Variants in CLYBL observed in about 807,000 individuals in gnomAD.
The protein encoded by CLYBL is citramalyl-CoA lyase.
CLYBL carries 31 observed loss-of-function variants against 38.9 expected under a neutral mutation model. The observed-to-expected ratio is 0.80, with a 90% CI of 0.60 to 1.08. CLYBL has a LOEUF of 1.08. CLYBL is among the 50% of genes least tolerant of loss of function. The pLI is 0.00. For synonymous variants in CLYBL, 171 were observed against 158.6 expected (o/e 1.08, Z -0.59); for missense variants, 434 against 411.6 (o/e 1.05, Z -0.47).
At chr13:99,848,590 T>C (rs186731748) in intron 2 of CLYBL, among the ~76,000 whole-genome samples, 3 of 152,316 alleles carry the variant, frequency 2.0e-5, no homozygotes, top group Admixed American at 2.0e-4. Flanking sequence ...AGATGAGTGA[T>C]TGTGTTTTTC....
At chr13:99,888,402 G>A (rs578087965) in intron 7 of CLYBL, among the ~76,000 whole-genome samples, 2 of 152,280 alleles carry the variant, frequency 1.3e-5, no homozygotes, top group African/African-American at 2.4e-5. Flanking sequence ...CCCAGACTAG[G>A]AACTGCTCAA....
At chr13:99,890,538 T>C (rs1357739499) in intron 7 of CLYBL, among the ~76,000 whole-genome samples, 5 of 152,180 alleles carry the variant, frequency 3.3e-5, no homozygotes, top group African/African-American at 1.2e-4. Flanking sequence ...TGACCTTGGC[T>C]CACTGCAACC....
intron 1 of CLYBL, among the ~76,000 whole-genome samples, chr13:99,616,597 C>T (rs1408853484): frequency 6.6e-6 from 1 of 152,190 alleles, no homozygotes; most frequent in Non-Finnish European, 1.5e-5. Context: ...TTCTGAACTA[C>T]ACCACATGTT....
At chr13:99,846,353 A>G (rs527251823) in intron 2 of CLYBL, among the ~76,000 whole-genome samples, 34 of 137,958 alleles carry the variant, frequency 2.5e-4, no homozygotes, top group Non-Finnish European at 4.5e-4. Context: ...GTGCAGTGTC[A>G]TGATCTCAGC....
intron 1 of CLYBL, among the ~76,000 whole-genome samples, chr13:99,735,206 T>G (rs973801185): frequency 6.6e-6 from 1 of 152,200 alleles, no homozygotes; most frequent in Admixed American, 6.5e-5. Flanking sequence ...TGCTTGTTTG[T>G]TTTTAGAGGC....
At chr13:99,752,842 A>G (rs971821863) in intron 1 of CLYBL, among the ~76,000 whole-genome samples, 3 of 152,102 alleles carry the variant, frequency 2.0e-5, no homozygotes, top group Non-Finnish European at 4.4e-5. Context: ...CTCCACCCCC[A>G]CCAAACAGGA....
chr13:99,701,546 C>G (rs558455646), intron 1 of CLYBL, among the ~76,000 whole-genome samples: 1 of 152,090 alleles, frequency 6.6e-6, no homozygotes, highest in African/African-American at 2.4e-5. Flanking sequence ...CTCCTGACCT[C>G]GTGATCTGCC....
chr13:99,761,658 AT>A (rs2049168351), intron 1 of CLYBL, among the ~76,000 whole-genome samples: 1 of 152,152 alleles, frequency 6.6e-6, no homozygotes, highest in Non-Finnish European at 1.5e-5. Flanking sequence ...TGATATATTC[AT>A]TTCCTTTCTT....
intron 1 of CLYBL, among the ~76,000 whole-genome samples, chr13:99,620,119 A>C (rs1370794382): frequency 2.6e-5 from 4 of 152,210 alleles, no homozygotes; most frequent in African/African-American, 9.6e-5. Flanking sequence ...TATGATGGAC[A>C]CAGCACAGCG....
chr13:99,616,435 GTTCATTTAGTCTGTTTCCAGGTT>G (rs1295994072), intron 1 of CLYBL, among the ~76,000 whole-genome samples: 18 of 152,140 alleles, frequency 1.2e-4, no homozygotes, highest in South Asian at 6.2e-4. Flanking sequence ...AACCACAGTT[GTTCATTTAGTCTGTTTCCAGGTT>G]TTCATTTAGT....
At chr13:99,828,262 C>G (rs1594207444) in intron 2 of CLYBL, among the ~76,000 whole-genome samples, 1 of 152,190 alleles carries the variant, frequency 6.6e-6, no homozygotes, top group African/African-American at 2.4e-5. Flanking sequence ...ACTCGAGACT[C>G]AATTAGCAAT....
chr13:99,877,571 CTTT>C (rs561372911), intron 7 of CLYBL: 11,572 of 212,886 alleles, frequency 0.054, 702 homozygotes, highest in African/African-American at 0.25. Context: ...TTTTGTAATT[CTTT>C]TTTTTTTTTT....
chr13:99,699,505 A>C (rs1460439998), intron 1 of CLYBL, among the ~76,000 whole-genome samples: 1 of 151,384 alleles, frequency 6.6e-6, no homozygotes, highest in Non-Finnish European at 1.5e-5. Flanking sequence ...CAACCTGGCC[A>C]ATATGGCGAA....
At chr13:99,902,483 A>G (rs1453665397) in intron 8 of CLYBL, among the ~76,000 whole-genome samples, 1 of 152,202 alleles carries the variant, frequency 6.6e-6, no homozygotes, top group Non-Finnish European at 1.5e-5. Context: ...CATATTTTAA[A>G]CTGGTTTGTT....
At chr13:99,689,733 A>G (rs1444634985) in intron 1 of CLYBL, among the ~76,000 whole-genome samples, 2 of 152,240 alleles carry the variant, frequency 1.3e-5, no homozygotes, top group African/African-American at 4.8e-5. Context: ...TATCCATCAC[A>G]GAACAAGCTC....
intron 1 of CLYBL, among the ~76,000 whole-genome samples, chr13:99,652,331 T>G (rs996809091): frequency 4.6e-5 from 7 of 152,188 alleles, no homozygotes; most frequent in Non-Finnish European, 1.5e-5. Flanking sequence ...GACTAAACCT[T>G]CCATTTCCAG....
At chr13:99,783,411 A>G (rs1022585837) in intron 2 of CLYBL, among the ~76,000 whole-genome samples, 1 of 151,250 alleles carries the variant, frequency 6.6e-6, no homozygotes, top group Non-Finnish European at 1.5e-5. Context: ...GTTCTTCTAC[A>G]TATCTGCTTG....
intron 1 of CLYBL, among the ~76,000 whole-genome samples, chr13:99,622,555 G>T (rs2139207514): frequency 6.6e-6 from 1 of 152,274 alleles, no homozygotes; most frequent in East Asian, 1.9e-4. Context: ...ACATGTATGG[G>T]TGCCCCTCCA....
chr13:99,648,654 A>G (rs1197716320), intron 1 of CLYBL, among the ~76,000 whole-genome samples: 2 of 152,190 alleles, frequency 1.3e-5, no homozygotes, highest in Non-Finnish European at 2.9e-5. Flanking sequence ...GAAGATGGAT[A>G]TTGCACTGTT....
Sources: allele counts gnomAD v4.1 joint callset (sites outside exome capture counted in the v4.1 genomes callset), GRCh38; gene constraint gnomAD v4.1.1; transcripts MANE v1.5; gene names NCBI Gene and HGNC (gene_info 2026-07-23, HGNC 2026-07-21).